The following ANOS1 variants were observed in gnomAD, a reference collection of about 807,000 sequenced individuals.
The protein encoded by ANOS1 is anosmin-1.
A neutral mutation model predicts 59.0 loss-of-function variants in ANOS1; 6 were observed. The ratio of observed to expected loss-of-function variants is 0.10; its 90% CI spans 0.06 to 0.20. ANOS1 has a LOEUF of 0.20. Among genes scored for constraint, ANOS1 ranks in the 10% least tolerant of loss-of-function variants. ANOS1 has a pLI of 1.00. For synonymous variants in ANOS1, 217 were observed against 223.4 expected (o/e 0.97, Z 0.25); for missense variants, 433 against 542.3 (o/e 0.80, Z 2.00).
At position 8,587,808 on chromosome X, in the gene ANOS1, G is replaced by C. The variant is rs1249402723; in HGVS notation, c.712C>G (p.Gln238Glu). ...GAGGTTCTTACCTGGGCCACTGTCT[G>C]CCAGTGAGTGGCGTCATCTTCGCTA... is the stretch of plus-strand genomic sequence containing the variant. ...HPSEDDATHWQTVAQTTDERV... is the reference protein window; with the variant it reads ...HPSEDDATHWETVAQTTDERV... The change falls in exon 5 of 14, where the codon CAG (glutamine) becomes GAG (glutamate). Residue 238 changes from glutamine (Q) to glutamate (E), a missense_variant. Coordinates refer to ENST00000262648, the MANE Select transcript of ANOS1 (RefSeq NM_000216.4). 3 of 1,200,492 alleles carry C rather than the reference G, an allele frequency of 2.5e-6. No homozygotes were observed. The African/African-American group carries it at 5.3e-5, about 21-fold the overall frequency.
At chrX:8,686,606 G>C (rs1171508090) in intron 2 of ANOS1, among the ~76,000 whole-genome samples, 1 of 111,754 alleles carries the variant, frequency 8.9e-6, no homozygotes, top group African/African-American at 3.3e-5. Flanking sequence ...TAGGCCAAAA[G>C]TATCTACCCA....
chrX:8,603,865 T>C (rs750137416), intron 3 of ANOS1, among the ~76,000 whole-genome samples: 1 of 111,682 alleles, frequency 9.0e-6, no homozygotes, highest in East Asian at 2.8e-4. Flanking sequence ...CAATGAAACC[T>C]CAAATATACA....
chrX:8,690,181 A>G (rs1180387054), intron 2 of ANOS1, among the ~76,000 whole-genome samples: 1 of 112,115 alleles, frequency 8.9e-6, no homozygotes, highest in African/African-American at 3.2e-5. Flanking sequence ...AATATCCAAA[A>G]TGAAGGGGAA....
rs182014908 is a variant in ANOS1 at position 8,570,106 on chromosome X, A to T, written c.1062+393T>A. On this transcript the variant is annotated intron_variant, in intron 7 of 13. Transcript: ENST00000262648. ...ACTTCGCAACAGAAAAGCCATGAAC[A>T]TCCACTCTTCCATTTACAAGGATCT... is the stretch of plus-strand genomic sequence containing the variant. Among the ~76,000 whole-genome samples the T allele has an allele frequency of 3.6e-4, 38 of 106,586 alleles. 1 individual carries two copies. The East Asian group carries it at 0.011, about 31-fold the overall frequency. The allele number at this position is 106,586 out of a possible 115,157, so 92.6% of individuals were successfully genotyped here. A position where few individuals can be genotyped will look rare whatever the true frequency, so the allele number is the denominator to read the frequency against.
At chrX:8,537,241 G>A (rs1349777688) in intron 10 of ANOS1, among the ~76,000 whole-genome samples, 1 of 111,640 alleles carries the variant, frequency 9.0e-6, no homozygotes, top group Admixed American at 9.5e-5. Flanking sequence ...TAGCAGTGCA[G>A]GTAGTGGTGT....
At chrX:8,603,831 G>C (rs1419052233) in intron 3 of ANOS1, among the ~76,000 whole-genome samples, 3 of 111,765 alleles carry the variant, frequency 2.7e-5, no homozygotes, top group African/African-American at 9.8e-5. Context: ...CCTGCTCCTA[G>C]CCAACAACTG....
At chrX:8,580,527 G>C (rs1473634542) in intron 6 of ANOS1, among the ~76,000 whole-genome samples, 2 of 111,892 alleles carry the variant, frequency 1.8e-5, no homozygotes, top group African/African-American at 6.5e-5. Context: ...TATAAAAATA[G>C]TTAATGTTGA....
intron 3 of ANOS1, among the ~76,000 whole-genome samples, chrX:8,599,118 G>C (rs944739609): frequency 2.7e-5 from 3 of 111,765 alleles, no homozygotes; most frequent in Non-Finnish European, 5.6e-5. Flanking sequence ...TGCTTCATGG[G>C]TATAAAGCAA....
At chrX:8,696,069 T>C (rs1011060541) in intron 2 of ANOS1, among the ~76,000 whole-genome samples, 1 of 112,002 alleles carries the variant, frequency 8.9e-6, no homozygotes, top group Non-Finnish European at 1.9e-5. Flanking sequence ...TTCCTCTTCA[T>C]GTGCAAGGCT....
intron 10 of ANOS1, among the ~76,000 whole-genome samples, chrX:8,537,439 T>C (rs1413860030): frequency 2.7e-5 from 3 of 111,890 alleles, no homozygotes; most frequent in Non-Finnish European, 5.6e-5. Context: ...TAAATATAAA[T>C]AAAAGAAAGA....
Position 8,732,071 on chromosome X carries a change from GCGCGGGC to G in ANOS1, c.-42_-36del. 1 of 902,714 alleles carries G rather than the reference GCGCGGGC, an allele frequency of 1.1e-6. No individual in the cohort carries two copies. Among genetic ancestry groups the G allele is most frequent in the Non-Finnish European group, 1.4e-6 (1 of 728,730 alleles). The allele number at this position is 902,714 out of a possible 1,213,427, so 74.4% of individuals were successfully genotyped here. A position where few individuals can be genotyped will look rare whatever the true frequency, so the allele number is the denominator to read the frequency against. On this transcript the variant is annotated 5_prime_UTR_variant, in exon 1 of 14. Transcript: ENST00000262648. ...TCGAGGGCGAGGGCGAGGGCGCCGG[GCGCGGGC>G]CGAGGCTCCCTGCTCCGCGCCGGGG...
chrX:8,649,319 C>T (rs1383577536), intron 2 of ANOS1, among the ~76,000 whole-genome samples: 1 of 111,977 alleles, frequency 8.9e-6, no homozygotes, highest in Admixed American at 9.5e-5. Context: ...ATTTTTACTG[C>T]TGAGGATTTT....
intron 9 of ANOS1, among the ~76,000 whole-genome samples, chrX:8,549,149 G>A (rs1056095748): frequency 2.7e-5 from 3 of 111,807 alleles, no homozygotes; most frequent in Admixed American, 1.9e-4. Context: ...TAATACTATG[G>A]ACTCTAATAT....
chrX:8,635,266 A>G (rs1931554041), intron 2 of ANOS1, among the ~76,000 whole-genome samples: 1 of 111,652 alleles, frequency 9.0e-6, no homozygotes, highest in Non-Finnish European at 1.9e-5. Context: ...CACAACGAAG[A>G]TAGGAGATGG....
intron 9 of ANOS1, among the ~76,000 whole-genome samples, chrX:8,541,276 G>A (rs181513053): frequency 0.049 from 5,067 of 102,835 alleles, 347 homozygotes; most frequent in African/African-American, 0.17. Context: ...GGTGGCAGGC[G>A]CCTGTAATCC....
At chrX:8,690,740 C>A (rs1199994211) in intron 2 of ANOS1, among the ~76,000 whole-genome samples, 1 of 111,962 alleles carries the variant, frequency 8.9e-6, no homozygotes, top group African/African-American at 3.2e-5. Context: ...TTTACACAAG[C>A]AAAACCAATC....
chrX:8,619,891 T>C (rs1931258352), intron 3 of ANOS1, among the ~76,000 whole-genome samples: 1 of 112,351 alleles, frequency 8.9e-6, no homozygotes, highest in African/African-American at 3.2e-5. Flanking sequence ...GTACTCTAAA[T>C]GGTAAGATGA....
chrX:8,668,313 T>G (rs1422956064), intron 2 of ANOS1, among the ~76,000 whole-genome samples: 1 of 103,833 alleles, frequency 9.6e-6, no homozygotes, highest in Non-Finnish European at 2.0e-5. Context: ...TTACTTCACT[T>G]AGAATAATAG....
At chrX:8,636,470 A>G (rs754129632) in intron 2 of ANOS1, among the ~76,000 whole-genome samples, 1 of 112,274 alleles carries the variant, frequency 8.9e-6, no homozygotes, top group African/African-American at 3.2e-5. Flanking sequence ...GGGTAACTAT[A>G]TGCTGTTGGC....
Sources: gnomAD v4.1 joint callset for allele counts (sites outside exome capture counted in the v4.1 genomes callset) on GRCh38, gnomAD v4.1.1 for gene constraint, MANE v1.5 for transcripts, NCBI Gene and HGNC (gene_info 2026-07-23, HGNC 2026-07-21) for gene names.